Variants in SEMA6D observed in about 807,000 individuals in gnomAD.
SEMA6D encodes the protein semaphorin 6D.
A neutral mutation model predicts 106.6 loss-of-function variants in SEMA6D; 35 were observed. The observed-to-expected ratio is 0.33, with a 90% confidence interval of 0.25 to 0.44. SEMA6D has a LOEUF of 0.44. Ranked by LOEUF, SEMA6D falls within the 20% of genes least tolerant of loss-of-function variation. The probability of loss-of-function intolerance (pLI) is 1.00; values close to 1 mark genes in which losing one functional copy is unlikely to be tolerated. For missense variants in SEMA6D, 1,185 were observed against 1,345.9 expected, an observed-to-expected ratio of 0.88 and a Z score of 1.87; for synonymous variants, 499 against 487.7, an observed-to-expected ratio of 1.02 and a Z score of -0.31.
chr15:47,234,942 CAGATT>C (rs1463059271), intron 1 of SEMA6D, among the ~76,000 whole-genome samples: 2 of 151,932 alleles, frequency 1.3e-5, no homozygotes, highest in African/African-American at 4.8e-5. Flanking sequence ...CCATAGAGAT[CAGATT>C]AATTTACATT....
intron 3 of SEMA6D, among the ~76,000 whole-genome samples, chr15:47,480,500 C>T (rs1369892883): frequency 6.6e-6 from 1 of 152,146 alleles, no homozygotes; most frequent in African/African-American, 2.4e-5. Flanking sequence ...TAATACTCTT[C>T]ATGAGGCCTC....
In SEMA6D at chr15:47,765,346, A is replaced by G. The variant is rs945445805; in HGVS notation, c.1427+290A>G. Reference sequence around the variant, plus strand: ...TCTTATCTTGCAGATATATTCCAAGATGCTACATGCAGCAGACAGCTGTGA... The same window carrying G: ...TCTTATCTTGCAGATATATTCCAAGGTGCTACATGCAGCAGACAGCTGTGA... On this transcript the variant is annotated intron_variant, in intron 13 of 18. Coordinates refer to ENST00000536845, the MANE Select transcript of SEMA6D (RefSeq NM_001358351.3). 4.2e-6 allele frequency: 5 copies of G among 1,180,782 alleles called. No homozygotes were observed. In the African/African-American group the frequency reaches 6.3e-5, roughly 15 times the overall value. The allele number at this position is 1,180,782 out of a possible 1,614,324, so 73.1% of individuals were successfully genotyped here.
chr15:47,454,599 G>GCC (rs113699947), intron 2 of SEMA6D, among the ~76,000 whole-genome samples: 1 of 148,874 alleles, frequency 6.7e-6, no homozygotes, highest in Non-Finnish European at 1.5e-5. Flanking sequence ...TTGCACATGT[G>GCC]CACACACACA....
intron 2 of SEMA6D, among the ~76,000 whole-genome samples, chr15:47,466,926 A>G (rs1439710491): frequency 6.8e-6 from 1 of 146,600 alleles, no homozygotes; most frequent in Non-Finnish European, 1.5e-5. Context: ...GTGAGGTTTC[A>G]CCATGTTGGC....
chr15:47,294,807 T>A (rs1188557890), intron 1 of SEMA6D, among the ~76,000 whole-genome samples: 1 of 152,174 alleles, frequency 6.6e-6, no homozygotes. Flanking sequence ...GTATACGTTG[T>A]TTAAATGTTT....
chr15:47,648,545 G>A (rs1566959098), intron 4 of SEMA6D, among the ~76,000 whole-genome samples: 1 of 152,142 alleles, frequency 6.6e-6, no homozygotes, highest in East Asian at 1.9e-4. Flanking sequence ...AATGCACTTA[G>A]GGAGCCCGCC....
At chr15:47,706,982 C>G (rs750819748) in intron 4 of SEMA6D, among the ~76,000 whole-genome samples, 4 of 152,210 alleles carry the variant, frequency 2.6e-5, no homozygotes, top group Non-Finnish European at 5.9e-5. Flanking sequence ...ATGGAAAACT[C>G]TGCTTAAAGA....
intron 4 of SEMA6D, among the ~76,000 whole-genome samples, chr15:47,602,345 C>G (rs904594242): frequency 2.6e-5 from 4 of 152,124 alleles, no homozygotes; most frequent in Non-Finnish European, 5.9e-5. Context: ...CACCGTCAAT[C>G]CAATTAAACA....
chr15:47,488,885 C>T (rs2043378707), intron 3 of SEMA6D, among the ~76,000 whole-genome samples: 1 of 152,032 alleles, frequency 6.6e-6, no homozygotes. Context: ...CATATTTTAC[C>T]CTAAAACGGT....
chr15:47,301,354 C>A (rs1291762577), intron 1 of SEMA6D, among the ~76,000 whole-genome samples: 1 of 152,190 alleles, frequency 6.6e-6, no homozygotes, highest in East Asian at 1.9e-4. Flanking sequence ...TCTATGCCAT[C>A]CAGACTATCT....
At chr15:47,592,962 G>T (rs2076466429) in intron 3 of SEMA6D, among the ~76,000 whole-genome samples, 1 of 152,086 alleles carries the variant, frequency 6.6e-6, no homozygotes, top group Non-Finnish European at 1.5e-5. Context: ...ACAAAGCTAG[G>T]TCTTGGCACA....
At chr15:47,763,396 T>C (rs974581443) in intron 9 of SEMA6D, among the ~76,000 whole-genome samples, 8 of 152,172 alleles carry the variant, frequency 5.3e-5, no homozygotes, top group African/African-American at 1.9e-4. Context: ...TTTTTTACTC[T>C]TTAGAAAACC....
chr15:47,652,823 A>G (rs932079506), intron 4 of SEMA6D, among the ~76,000 whole-genome samples: 2 of 152,198 alleles, frequency 1.3e-5, no homozygotes, highest in African/African-American at 4.8e-5. Context: ...TTTGCTTCAG[A>G]GTTAGATAGA....
chr15:47,507,757 C>G (rs1270344501), intron 3 of SEMA6D, among the ~76,000 whole-genome samples: 1 of 152,154 alleles, frequency 6.6e-6, no homozygotes, highest in Non-Finnish European at 1.5e-5. Flanking sequence ...ACCAGGCATA[C>G]GTACATTTAG....
intron 1 of SEMA6D, among the ~76,000 whole-genome samples, chr15:47,299,187 A>G (rs919536607): frequency 5.9e-5 from 9 of 152,184 alleles, no homozygotes; most frequent in African/African-American, 2.2e-4. Flanking sequence ...ATCATAAATG[A>G]ATCAGCTGGT....
chr15:47,477,825 A>T (rs1439024697), intron 3 of SEMA6D, among the ~76,000 whole-genome samples: 1 of 152,164 alleles, frequency 6.6e-6, no homozygotes, highest in Non-Finnish European at 1.5e-5. Flanking sequence ...AGATATTGTG[A>T]TGTAATCTAG....
At chr15:47,604,919 G>C (rs887743492) in intron 4 of SEMA6D, among the ~76,000 whole-genome samples, 11 of 150,632 alleles carry the variant, frequency 7.3e-5, no homozygotes. Flanking sequence ...TGTTAGCCAG[G>C]ATGGTCTCCA....
At chr15:47,735,617 A>C (rs2080399380) in intron 1 of SEMA6D, among the ~76,000 whole-genome samples, 1 of 152,208 alleles carries the variant, frequency 6.6e-6, no homozygotes, top group Non-Finnish European at 1.5e-5. Context: ...TTTTAGATAC[A>C]TCTTCAGTTC....
At chr15:47,384,826 T>G (rs1276575337) in intron 1 of SEMA6D, among the ~76,000 whole-genome samples, 53 of 142,180 alleles carry the variant, frequency 3.7e-4, no homozygotes, top group African/African-American at 1.3e-3. Flanking sequence ...TTTTTTTTTT[T>G]TTTTTTTTTT....
Sources: allele counts gnomAD v4.1 joint callset (sites outside exome capture counted in the v4.1 genomes callset), GRCh38; gene constraint gnomAD v4.1.1; transcripts MANE v1.5; gene names NCBI Gene and HGNC (gene_info 2026-07-23, HGNC 2026-07-21).